The following ZNF407 variants were observed in gnomAD, a reference collection of about 807,000 sequenced individuals.
The protein encoded by ZNF407 is zinc finger protein 407.
Under a neutral mutation model 131.2 loss-of-function variants are expected in ZNF407, and 17 were observed. The ratio of observed to expected loss-of-function variants is 0.13; its 90% CI spans 0.09 to 0.19. The LOEUF is 0.19. Ranked by LOEUF, ZNF407 falls within the 10% of genes least tolerant of loss-of-function variation. The probability of loss-of-function intolerance (pLI) is 1.00; values close to 1 mark genes in which losing one functional copy is unlikely to be tolerated. For synonymous variants in ZNF407, 1,156 were observed against 1,062.0 expected, an observed-to-expected ratio of 1.09 and a Z score of -1.72; for missense variants, 2,681 against 2,830.6, an observed-to-expected ratio of 0.95 and a Z score of 1.20.
intron 4 of ZNF407, among the ~76,000 whole-genome samples, chr18:74,853,689 T>G (rs980932270): frequency 1.3e-5 from 2 of 152,132 alleles, no homozygotes; most frequent in South Asian, 2.1e-4. Context: ...CATGTTATCT[T>G]TGTTGCTTTA....
chr18:74,674,471 A>G (rs1441315954), intron 3 of ZNF407, among the ~76,000 whole-genome samples: 1 of 150,346 alleles, frequency 6.7e-6, no homozygotes, highest in Admixed American at 6.6e-5. Flanking sequence ...TCAAGTGGTC[A>G]ATGATCAATA....
chr18:74,860,510 A>ATTG (rs902039373), intron 4 of ZNF407, among the ~76,000 whole-genome samples: 2 of 150,252 alleles, frequency 1.3e-5, no homozygotes, highest in African/African-American at 4.9e-5. Context: ...TATTATTATT[A>ATTG]TTATGTCTTA....
At chr18:74,809,772 TG>T (rs765674078) in intron 4 of ZNF407, among the ~76,000 whole-genome samples, 37 of 151,904 alleles carry the variant, frequency 2.4e-4, no homozygotes, top group Non-Finnish European at 4.6e-4. Context: ...ACCATTAGAG[TG>T]TATGGAGGTC....
At chr18:75,009,489 T>G (rs1031408561) in intron 8 of ZNF407, among the ~76,000 whole-genome samples, 1 of 152,230 alleles carries the variant, frequency 6.6e-6, no homozygotes, top group Non-Finnish European at 1.5e-5. Flanking sequence ...TGTGGATGAC[T>G]TGATTTCTAG....
intron 8 of ZNF407, among the ~76,000 whole-genome samples, chr18:75,034,325 A>G (rs1393960171): frequency 1.8e-5 from 2 of 108,984 alleles, no homozygotes; most frequent in African/African-American, 7.1e-5. Flanking sequence ...TTTTTTTGAG[A>G]CGTAGTTTCG....
chr18:74,876,539 A>G (rs1397411509), intron 4 of ZNF407, among the ~76,000 whole-genome samples: 5 of 152,202 alleles, frequency 3.3e-5, no homozygotes, highest in East Asian at 1.9e-4. Flanking sequence ...ATTATATTGT[A>G]TAAGTACTAA....
intron 8 of ZNF407, among the ~76,000 whole-genome samples, chr18:75,015,176 G>T (rs895001622): frequency 4.4e-4 from 67 of 152,144 alleles, no homozygotes; most frequent in Middle Eastern, 6.8e-3. Context: ...CTGAAGAATA[G>T]ACTTTTAAAG....
At chr18:74,791,977 A>G (rs943655173) in intron 4 of ZNF407, among the ~76,000 whole-genome samples, 1 of 152,200 alleles carries the variant, frequency 6.6e-6, no homozygotes, top group Non-Finnish European at 1.5e-5. Context: ...TGCACGTCGC[A>G]TAGTTTTATG....
chr18:74,782,557 CCTCTTCTCTT>C (rs72092645), intron 4 of ZNF407, among the ~76,000 whole-genome samples: 40 of 151,350 alleles, frequency 2.6e-4, no homozygotes, highest in South Asian at 2.3e-3. Context: ...CCCCTCCCCT[CCTCTTCTCTT>C]CTCTTCTCTT....
In ZNF407 at chr18:74,631,860, G is replaced by T; in HGVS notation, c.841G>T (p.Val281Leu). The change falls in exon 2 of 9, where the codon GTA (valine) becomes TTA (leucine). Residue 281 changes from valine to leucine, a missense_variant. Physicochemically the swap from Val to Leu is conservative, Grantham distance 32. Around this residue, in one of 6 missense-constraint regions of ZNF407, gnomAD observed 1,789 missense variants for 1,748.7 expected, o/e 1.02. Coordinates refer to ENST00000299687, the MANE Select transcript of ZNF407 (RefSeq NM_017757.3). ...GAATCTGGCTGCTCGTGGAGGATTTGTACAGATCTTAACAAAACAACCTTT... is the reference window on the plus strand; with the variant it reads ...GAATCTGGCTGCTCGTGGAGGATTTTTACAGATCTTAACAAAACAACCTTT... The part of the protein sequence containing the change: ...RQNLAARGGF[V>L]QILTKQPFPK... 2.5e-6 allele frequency: 4 copies of T among 1,613,996 alleles called. No individual in the cohort carries two copies. Among genetic ancestry groups the T allele is most frequent in the Non-Finnish European group, 3.4e-6 (4 of 1,179,902 alleles).
intron 3 of ZNF407, among the ~76,000 whole-genome samples, chr18:74,656,623 A>G (rs1985470991): frequency 6.6e-6 from 1 of 152,100 alleles, no homozygotes; most frequent in African/African-American, 2.4e-5. Flanking sequence ...GGCTAAGAAC[A>G]TTTCAGTGAT....
chr18:74,949,824 C>T (rs1471869107), intron 8 of ZNF407, among the ~76,000 whole-genome samples: 3 of 152,196 alleles, frequency 2.0e-5, no homozygotes, highest in Admixed American at 6.5e-5. Flanking sequence ...GGAAGGTCAA[C>T]ACAAGGGCAG....
intron 8 of ZNF407, among the ~76,000 whole-genome samples, chr18:74,980,190 C>T (rs1001369711): frequency 6.6e-6 from 1 of 151,174 alleles, no homozygotes; most frequent in Non-Finnish European, 1.5e-5. Flanking sequence ...CCTTTGTAAA[C>T]GATGACATAA....
intron 2 of ZNF407, among the ~76,000 whole-genome samples, chr18:74,638,288 A>G (rs547878662): frequency 3.5e-4 from 54 of 152,372 alleles, no homozygotes; most frequent in African/African-American, 1.3e-3. Flanking sequence ...ACAAAGGCTT[A>G]ACATTGTTCA....
At chr18:74,721,835 T>C (rs1968043950) in intron 3 of ZNF407, among the ~76,000 whole-genome samples, 1 of 152,208 alleles carries the variant, frequency 6.6e-6, no homozygotes, top group Non-Finnish European at 1.5e-5. Context: ...CTCCACCTTC[T>C]TTATTTGGGT....
intron 7 of ZNF407, among the ~76,000 whole-genome samples, chr18:74,915,300 G>C (rs1240525230): frequency 2.6e-5 from 4 of 151,616 alleles, no homozygotes; most frequent in African/African-American, 4.9e-5. Flanking sequence ...GCAGTGATTA[G>C]TAAAGAGTGT....
Position 75,063,633 on chromosome 18 carries a change from A to G in ZNF407, c.5912A>G (p.Glu1971Gly). Residue 1971 changes from glutamate (E) to glycine (G), a missense_variant, in exon 9 of 9, where the codon GAG becomes GGG. Coordinates refer to ENST00000299687, the MANE Select transcript of ZNF407 (RefSeq NM_017757.3). The surrounding 1 kb of genome is among the most constrained non-coding windows in gnomAD (Gnocchi z 6.6). ...GTGATACAACAGGTGACCAAGCAGGAGATTTTAAACCTCTCGGAGGCTGGA... is the reference window on the plus strand; with the variant it reads ...GTGATACAACAGGTGACCAAGCAGGGGATTTTAAACCTCTCGGAGGCTGGA... The part of the protein sequence containing the change: ...GAVIQQVTKQ[E>G]ILNLSEAGVA... The G allele has an allele frequency of 6.3e-7, 1 of 1,593,604 alleles. No homozygotes were observed. The highest frequency in any genetic ancestry group is 1.1e-5 in the South Asian group (1 of 88,332).
chr18:74,989,633 G>T (rs1972694775), intron 8 of ZNF407, among the ~76,000 whole-genome samples: 1 of 152,110 alleles, frequency 6.6e-6, no homozygotes, highest in Non-Finnish European at 1.5e-5. Flanking sequence ...CCTGAGGTAA[G>T]GAGTTCGACA....
rs369661209 is a variant in ZNF407 at position 74,803,976 on chromosome 18, A to G, written c.4877+22474A>G. 5.1e-5 allele frequency: 79 copies of G among 1,551,656 alleles called. No individual in the cohort carries two copies. In the African/African-American group the frequency reaches 7.3e-4, roughly 14 times the overall value. Reference sequence around the variant, plus strand: ...TCCTTGGCTTCAGAGTAAAGGTTGCATATCGAAAGATCGGGACGTTGCCAG... The same window carrying G: ...TCCTTGGCTTCAGAGTAAAGGTTGCGTATCGAAAGATCGGGACGTTGCCAG... On this transcript the variant is annotated intron_variant, in intron 4 of 8. Coordinates refer to ENST00000299687, the MANE Select transcript of ZNF407 (RefSeq NM_017757.3).
Sources: allele counts gnomAD v4.1 joint callset (sites outside exome capture counted in the v4.1 genomes callset), GRCh38; gene constraint gnomAD v4.1.1; regional missense constraint gnomAD v4.1.1; non-coding constraint Gnocchi (gnomAD v3.1); transcripts MANE v1.5; gene names NCBI Gene and HGNC (gene_info 2026-07-23, HGNC 2026-07-21).